The following TRPA1 variants were observed in gnomAD, a reference collection of about 807,000 sequenced individuals.
The protein encoded by TRPA1 is ankyrin-like with transmembrane domains 1.
A neutral mutation model predicts 131.3 loss-of-function variants in TRPA1; 129 were observed. That is an observed-to-expected ratio of 0.98 (90% CI 0.85 to 1.14). The LOEUF is 1.14. Among genes scored for constraint, TRPA1 ranks in the 50% most tolerant of loss-of-function variants. The pLI is 0.00. For missense variants in TRPA1, 1,304 were observed against 1,354.2 expected, an observed-to-expected ratio of 0.96 and a Z score of 0.58; for synonymous variants, 441 against 451.7, an observed-to-expected ratio of 0.98 and a Z score of 0.30.
At chr8:72,087,145 C>T in the TRPA1 span, among the ~76,000 whole-genome samples, 1 of 152,150 alleles carries the variant, frequency 6.6e-6, no homozygotes, top group Non-Finnish European at 1.5e-5. Flanking sequence ...GAATTTTCTA[C>T]CAGCTCTGTA....
chr8:72,028,380 T>C (rs1371342675), intron 24 of TRPA1, among the ~76,000 whole-genome samples: 2 of 152,252 alleles, frequency 1.3e-5, no homozygotes, highest in African/African-American at 4.8e-5. Flanking sequence ...AAAGGGGCCT[T>C]GGGCCAGTGC....
At chr8:72,063,064 G>T in intron 5 of TRPA1, 120 bp from the exon 6 acceptor site, 2 of 1,010,326 alleles carry the variant, frequency 2.0e-6, no homozygotes, top group Non-Finnish European at 2.9e-6. Context: ...ACACATAAAA[G>T]CTTGTGTTTA....
At chr8:72,063,030 A>T in intron 5 of TRPA1, 86 bp from the exon 6 acceptor site, 1 of 1,318,176 alleles carries the variant, frequency 7.6e-7, no homozygotes, top group Non-Finnish European at 1.1e-6. Context: ...AACAAAGGTA[A>T]AAAAACAATG....
intron 13 of TRPA1, chr8:72,053,200 C>A (rs900516752): frequency 4.9e-6 from 1 of 205,272 alleles, no homozygotes; most frequent in African/African-American, 2.3e-5. Context: ...AGATTTGGGG[C>A]TTCACAAGCT....
In TRPA1 at chr8:72,036,392, AATG is replaced by A. The variant is rs774993379; in HGVS notation, c.2448_2450del (p.Ile817del). 1 of 1,614,126 alleles carries A rather than the reference AATG, an allele frequency of 6.2e-7. No homozygotes were observed. Among genetic ancestry groups the A allele is most frequent in the Non-Finnish European group, 8.5e-7 (1 of 1,179,960 alleles). ...TTTCAACAAACAAGGGCAGCACAAA[AATG>A]ATGCCCGTCGTGTAGATAATCCATT... On this transcript the variant is annotated inframe_deletion, in exon 21 of 27. Transcript: ENST00000262209.
upstream of TRPA1, among the ~76,000 whole-genome samples, chr8:72,075,955 G>C (rs1324739205): frequency 1.3e-5 from 2 of 150,640 alleles, no homozygotes; most frequent in Non-Finnish European, 3.0e-5. Flanking sequence ...GGAATGACTG[G>C]GTATATTGGA....
chr8:72,059,043 A>T (rs66789839), intron 8 of TRPA1, among the ~76,000 whole-genome samples: 1 of 152,140 alleles, frequency 6.6e-6, no homozygotes, highest in Non-Finnish European at 1.5e-5. Flanking sequence ...CCTTAAAGCC[A>T]CCAGGGCTGA....
chr8:72,032,813 A>C (rs1399627052), intron 23 of TRPA1, among the ~76,000 whole-genome samples: 1 of 143,600 alleles, frequency 7.0e-6, no homozygotes, highest in Non-Finnish European at 1.6e-5. Flanking sequence ...ACACATCTGC[A>C]TAATTTTTTT....
At chr8:72,059,716 T>C (rs917868341) in intron 7 of TRPA1, among the ~76,000 whole-genome samples, 38 of 152,182 alleles carry the variant, frequency 2.5e-4, no homozygotes, top group Non-Finnish European at 1.8e-4. Flanking sequence ...TAAAGATGTT[T>C]GAAGTGAGTA....
intron 24 of TRPA1, among the ~76,000 whole-genome samples, chr8:72,029,345 G>T (rs766828745): frequency 6.6e-6 from 1 of 152,120 alleles, no homozygotes; most frequent in Non-Finnish European, 1.5e-5. Context: ...AACAAAAGAT[G>T]CTCAGGCAAT....
chr8:72,077,317 C>A (rs1000557496), upstream of TRPA1, among the ~76,000 whole-genome samples: 1 of 150,630 alleles, frequency 6.6e-6, no homozygotes, highest in Middle Eastern at 3.4e-3. Flanking sequence ...TGGGCCAGTG[C>A]AGGGAACTCC....
At chr8:72,066,914 C>G (rs1041500868) in intron 3 of TRPA1, among the ~76,000 whole-genome samples, 1 of 152,150 alleles carries the variant, frequency 6.6e-6, no homozygotes, top group Non-Finnish European at 1.5e-5. Flanking sequence ...CTCCACAGGT[C>G]CCTTGGTTGA....
At chr8:72,079,317 C>T (rs780903912), upstream of TRPA1, among the ~76,000 whole-genome samples, 38 of 151,844 alleles carry the variant, frequency 2.5e-4, no homozygotes, top group South Asian at 2.1e-4. Flanking sequence ...AATTAAAAAG[C>T]TTCTCTTCAG....
chr8:72,023,694 A>G, intron 26 of TRPA1, 120 bp downstream of exon 26: 4 of 668,822 alleles, frequency 6.0e-6, no homozygotes, highest in Non-Finnish European at 1.0e-5. Context: ...AGCTACAGCT[A>G]TCAATAAAGC....
Position 72,063,446 on chromosome 8 carries a change from G to T in TRPA1, c.661+17C>A. On this transcript the variant is annotated intron_variant, in intron 5 of 26. Transcript: ENST00000262209. The stretch of plus-strand genomic sequence containing the variant: ...AGACTTATTTATAGTATATAACATA[G>T]AAAAGCCTCAACTCACCAAACCTTA... The T allele has an allele frequency of 6.5e-7, 1 of 1,546,440 alleles. No individual in the cohort carries two copies.
chr8:72,037,853 C>A (rs1291791331), intron 20 of TRPA1, 130 bp downstream of exon 20: 1 of 659,504 alleles, frequency 1.5e-6, no homozygotes, highest in Non-Finnish European at 2.8e-6. Context: ...CTTGGTGTTT[C>A]TAATCTATAT....
In TRPA1 at chr8:72,063,548, A is replaced by G. The variant is rs369010146; in HGVS notation, c.576T>C (p.Cys192=). ...QILLKKGAKP[C]KSNKWGCFPI... is the part of the protein sequence containing the mutation. ...GGAAACATCCCCATTTATTTGATTT[A>G]CATGGCTTAGCTCCTTTTTTAAGCT... The change falls in exon 5 of 27, where the codon TGT becomes TGC. Residue 192 remains cysteine (C), a synonymous_variant. Transcript: ENST00000262209. 6.2e-7 allele frequency: 1 copy of G among 1,613,600 alleles called. No individual in the cohort carries two copies.
At position 72,075,351 on chromosome 8, in the gene TRPA1, A is replaced by G; in HGVS notation, c.59T>C (p.Val20Ala). Residue 20 changes from valine (V) to alanine (A), a missense_variant, in exon 1 of 27, where the codon GTT becomes GCT. Transcript: ENST00000262209. ...RPGEKKEPQGVVYEDVPDDTE... is the reference protein window; with the variant it reads ...RPGEKKEPQGAVYEDVPDDTE... Reference sequence around the variant, plus strand: ...GTCGTCCGGCACATCCTCATAGACAACGCCCTGGGGCTCCTTCTTTTCTCC... The same window carrying G: ...GTCGTCCGGCACATCCTCATAGACAGCGCCCTGGGGCTCCTTCTTTTCTCC... 6.2e-7 allele frequency: 1 copy of G among 1,612,708 alleles called. No individual in the cohort carries two copies.
intron 22 of TRPA1, among the ~76,000 whole-genome samples, 173 bp from the exon 23 acceptor site, chr8:72,033,999 A>G (rs1239797541): frequency 2.6e-5 from 4 of 152,236 alleles, no homozygotes; most frequent in Admixed American, 2.0e-4. Context: ...CATCAAAAAT[A>G]TGTTATCTGC....
Sources: gnomAD v4.1 joint callset for allele counts (sites outside exome capture counted in the v4.1 genomes callset) on GRCh38, gnomAD v4.1.1 for gene constraint, MANE v1.5 for transcripts, NCBI Gene and HGNC (gene_info 2026-07-23, HGNC 2026-07-21) for gene names.